The following DACH1 variants were observed in gnomAD, a reference collection of about 807,000 sequenced individuals.
The protein encoded by DACH1 is dachshund family transcription factor 1, also known as dachshund homolog 1.
Under a neutral mutation model 54.2 loss-of-function variants are expected in DACH1, and 12 were observed. That is an observed-to-expected ratio of 0.22 (90% CI 0.14 to 0.36). The LOEUF is 0.36. Ranked by LOEUF, DACH1 falls within the 10% of genes least tolerant of loss-of-function variation. DACH1 has a pLI of 1.00. For synonymous variants in DACH1, 386 were observed against 366.2 expected (o/e 1.05, Z -0.62); for missense variants, 805 against 929.8 (o/e 0.87, Z 1.75).
chr13:71,841,769 A>G (rs1277127244), intron 1 of DACH1, among the ~76,000 whole-genome samples: 1 of 152,202 alleles, frequency 6.6e-6, no homozygotes, highest in African/African-American at 2.4e-5. Flanking sequence ...GTTGGTCATT[A>G]TGACTTTTCT....
chr13:71,648,951 C>T (rs1432710112), intron 2 of DACH1, among the ~76,000 whole-genome samples: 2 of 152,082 alleles, frequency 1.3e-5, no homozygotes, highest in Admixed American at 1.3e-4. Flanking sequence ...ATAAATCCAC[C>T]CCTTCAACTT....
At chr13:71,539,331 G>C (rs149125424) in intron 6 of DACH1, among the ~76,000 whole-genome samples, 1 of 152,078 alleles carries the variant, frequency 6.6e-6, no homozygotes, top group Non-Finnish European at 1.5e-5. Context: ...TAACCATAAA[G>C]TTCAGCAATG....
intron 10 of DACH1, among the ~76,000 whole-genome samples, chr13:71,452,988 G>GA (rs1395525843): frequency 2.6e-5 from 4 of 152,090 alleles, no homozygotes; most frequent in African/African-American, 4.8e-5. Context: ...TATAAATAAA[G>GA]AAAAAAATTT....
intron 4 of DACH1, among the ~76,000 whole-genome samples, chr13:71,561,792 CTT>C (rs1311495186): frequency 3.7e-4 from 57 of 152,050 alleles, no homozygotes; most frequent in Admixed American, 3.6e-3. Context: ...TTGTCACACT[CTT>C]TTAATTTTTC....
chr13:71,596,114 T>TA (rs59879005), intron 3 of DACH1, among the ~76,000 whole-genome samples: 2 of 152,064 alleles, frequency 1.3e-5, no homozygotes, highest in African/African-American at 2.4e-5. Flanking sequence ...ATTTTTTTTT[T>TA]ATTTCTGGAA....
At chr13:71,448,672 T>A (rs1216358386) in intron 10 of DACH1, among the ~76,000 whole-genome samples, 1 of 152,222 alleles carries the variant, frequency 6.6e-6, no homozygotes, top group Non-Finnish European at 1.5e-5. Context: ...GGCCCATTTA[T>A]AAGAGGATAC....
At chr13:71,483,831 C>T (rs541047627) in intron 7 of DACH1, among the ~76,000 whole-genome samples, 12 of 152,050 alleles carry the variant, frequency 7.9e-5, no homozygotes, top group African/African-American at 2.7e-4. Context: ...CAGTTGTCTA[C>T]AGTATTCAAT....
At chr13:71,707,797 T>C (rs1882519580) in intron 1 of DACH1, among the ~76,000 whole-genome samples, 1 of 152,040 alleles carries the variant, frequency 6.6e-6, no homozygotes, top group Non-Finnish European at 1.5e-5. Flanking sequence ...TAATAGAAGA[T>C]AATGGCAGAA....
intron 10 of DACH1, among the ~76,000 whole-genome samples, chr13:71,471,892 G>A (rs187124527): frequency 1.4e-3 from 211 of 152,296 alleles, no homozygotes; most frequent in African/African-American, 4.8e-3. Context: ...AAATGTACGC[G>A]TATGTGCATA....
At chr13:71,691,772 C>G (rs955684187) in intron 1 of DACH1, among the ~76,000 whole-genome samples, 1 of 152,118 alleles carries the variant, frequency 6.6e-6, no homozygotes, top group Non-Finnish European at 1.5e-5. Flanking sequence ...GAAATAACAA[C>G]AAAATACTAT....
At chr13:71,813,917 C>A (rs1032977837) in intron 1 of DACH1, among the ~76,000 whole-genome samples, 1 of 152,046 alleles carries the variant, frequency 6.6e-6, no homozygotes, top group Non-Finnish European at 1.5e-5. Context: ...AATTTGGGGG[C>A]AAAATGATGG....
rs1056205655 is a variant in DACH1, at chr13:71,439,008, G to T, written c.*1647C>A. 2 of 152,428 alleles carry T rather than the reference G, an allele frequency of 1.3e-5. No individual in the cohort carries two copies. Among genetic ancestry groups the T allele is most frequent in the Non-Finnish European group, 2.9e-5 (2 of 67,904 alleles). The allele number at this position is 152,428 out of a possible 1,614,324, so 9.4% of individuals were successfully genotyped here. ...CACAAAAGAATTATGTTCCAGTATT[G>T]CAAGGAAGACCTAAAAGGTATAGAA... is the stretch of plus-strand genomic sequence containing the variant. On this transcript the variant is annotated 3_prime_UTR_variant, in exon 11 of 11. Coordinates refer to ENST00000613252, the MANE Select transcript of DACH1 (RefSeq NM_080759.6).
At chr13:71,446,938 G>A (rs1874522769) in intron 10 of DACH1, among the ~76,000 whole-genome samples, 1 of 152,210 alleles carries the variant, frequency 6.6e-6, no homozygotes, top group Admixed American at 6.5e-5. Flanking sequence ...CTTTGTGCAT[G>A]GGAGTACTTA....
intron 3 of DACH1, among the ~76,000 whole-genome samples, chr13:71,626,878 G>A (rs1876683745): frequency 6.6e-6 from 1 of 151,834 alleles, no homozygotes; most frequent in South Asian, 2.1e-4. Context: ...TGAACTGACA[G>A]GTCACCTTCA....
intron 7 of DACH1, 126 bp downstream of exon 7, chr13:71,488,871 G>T: frequency 1.3e-6 from 1 of 761,196 alleles, no homozygotes; most frequent in Non-Finnish European, 2.0e-6. Flanking sequence ...TAAGTTGCTT[G>T]AAGAGTTTAA....
intron 1 of DACH1, among the ~76,000 whole-genome samples, chr13:71,853,894 G>C (rs889813948): frequency 6.6e-6 from 1 of 151,522 alleles, no homozygotes; most frequent in Non-Finnish European, 1.5e-5. Context: ...AGTTATTATC[G>C]GCCCAATTCC....
At chr13:71,693,188 A>G (rs1423929831) in intron 1 of DACH1, among the ~76,000 whole-genome samples, 1 of 152,088 alleles carries the variant, frequency 6.6e-6, no homozygotes, top group Non-Finnish European at 1.5e-5. Flanking sequence ...AGCCATAACC[A>G]TAAATTACTG....
chr13:71,713,767 A>T (rs911109322), intron 1 of DACH1, among the ~76,000 whole-genome samples: 1 of 152,160 alleles, frequency 6.6e-6, no homozygotes, highest in Non-Finnish European at 1.5e-5. Context: ...AAGGTGTATT[A>T]GATTTTTGTT....
rs187450418 is a variant in DACH1, at chr13:71,627,061, C to G, written c.1126+3495G>C. The stretch of plus-strand genomic sequence containing the variant: ...GGATCTATCCTCAGGTGCTCACTTC[C>G]TCCTAAAGTGATCATTTTGTTGGAA... On this transcript the variant is annotated intron_variant, in intron 3 of 10. Transcript: ENST00000613252. Among the ~76,000 whole-genome samples the G allele has an allele frequency of 2.6e-5, 4 of 152,074 alleles. No homozygotes were observed. The East Asian group carries it at 7.7e-4, about 29-fold the overall frequency.
Sources: gnomAD v4.1 joint callset for allele counts (sites outside exome capture counted in the v4.1 genomes callset) on GRCh38, gnomAD v4.1.1 for gene constraint, MANE v1.5 for transcripts, NCBI Gene and HGNC (gene_info 2026-07-23, HGNC 2026-07-21) for gene names.